VPS13D: variants seen among roughly 807,000 people sequenced by gnomAD.
VPS13D encodes the protein vacuolar protein sorting 13 homolog D, also known as intermembrane lipid transfer protein VPS13D.
Under a neutral mutation model 461.9 loss-of-function variants are expected in VPS13D, and 187 were observed. The observed-to-expected ratio is 0.40, with a 90% CI of 0.36 to 0.46. The LOEUF (loss-of-function observed/expected upper bound fraction) is 0.46. VPS13D is among the 20% of genes least tolerant of loss of function. The probability of loss-of-function intolerance (pLI) is 0.60; values close to 1 mark genes in which losing one functional copy is unlikely to be tolerated. For synonymous variants in VPS13D, 1,951 were observed against 1,986.3 expected (o/e 0.98, Z 0.47); for missense variants, 4,711 against 5,364.9 (o/e 0.88, Z 3.81).
At chr1:12,273,796 A>G (rs974082682) in intron 18 of VPS13D, among the ~76,000 whole-genome samples, 1 of 151,678 alleles carries the variant, frequency 6.6e-6, no homozygotes, top group African/African-American at 2.4e-5. Context: ...TTATCCTTTC[A>G]TTTGTTCATG....
intron 65 of VPS13D, chr1:12,453,984 T>C (rs1477712640): frequency 6.6e-6 from 1 of 152,218 alleles, no homozygotes; most frequent in African/African-American, 2.4e-5. Context: ...TAAACTATAG[T>C]GCAAATGACC....
At chr1:12,335,554 C>T in intron 38 of VPS13D, 151 bp from the exon 39 acceptor site, 1 of 883,750 alleles carries the variant, frequency 1.1e-6, no homozygotes, top group East Asian at 2.7e-5. Flanking sequence ...GAGCGTGAGG[C>T]TCTCCAGGGC....
intron 65 of VPS13D, among the ~76,000 whole-genome samples, chr1:12,436,744 C>T (rs1645066472): frequency 6.6e-6 from 1 of 152,160 alleles, no homozygotes; most frequent in Non-Finnish European, 1.5e-5. Flanking sequence ...TCTCGGCTCA[C>T]CGCAACCTCC....
chr1:12,349,478 T>A (rs895051909), intron 46 of VPS13D, 104 bp downstream of exon 46: 4 of 1,120,958 alleles, frequency 3.6e-6, no homozygotes, highest in Non-Finnish European at 5.1e-6. Flanking sequence ...TTCAGTTATC[T>A]TTATTTAAAC....
chr1:12,257,452 C>T (rs546135860), intron 9 of VPS13D, among the ~76,000 whole-genome samples: 184 of 152,286 alleles, frequency 1.2e-3, no homozygotes, highest in African/African-American at 4.0e-3. Context: ...TCAACATTTA[C>T]ATAGTACTCT....
intron 40 of VPS13D, among the ~76,000 whole-genome samples, chr1:12,340,089 G>A (rs1387146875): frequency 6.6e-6 from 1 of 152,072 alleles, no homozygotes; most frequent in Non-Finnish European, 1.5e-5. Flanking sequence ...AGTAAATACC[G>A]TTTACCCTGC....
chr1:12,302,172 G>A (rs1642440836), intron 25 of VPS13D, among the ~76,000 whole-genome samples: 1 of 152,170 alleles, frequency 6.6e-6, no homozygotes, highest in African/African-American at 2.4e-5. Context: ...TAAAAATGCT[G>A]CATTATAATC....
rs1641595298 is a variant in VPS13D at position 12,275,867 on chromosome 1, A to C, written c.2279A>C (p.Glu760Ala). ...AGTAGGGATGGGTCAGCATCTGAAG[A>C]GACCCAGTTTAGTGATGATGAATAT... ...RKSRDGSASEETQFSDDEYKT... is the reference protein window; with the variant it reads ...RKSRDGSASEATQFSDDEYKT... Residue 760 changes from glutamate (E) to alanine (A), a missense_variant, in exon 19 of 70, where the codon GAG (glutamate) becomes GCG (alanine). This residue lies in a region of VPS13D where 4,411 missense variants were observed against 4,937.8 expected (regional missense o/e 0.89). Transcript: ENST00000620676. 2.5e-6 allele frequency: 4 copies of C among 1,612,216 alleles called. No homozygotes were observed. Among genetic ancestry groups the C allele is most frequent in the Non-Finnish European group, 2.5e-6 (3 of 1,179,326 alleles).
intron 67 of VPS13D, among the ~76,000 whole-genome samples, chr1:12,482,394 A>G (rs945129825): frequency 2.0e-5 from 3 of 152,240 alleles, no homozygotes; most frequent in African/African-American, 7.2e-5. Context: ...TGCACTCTTC[A>G]TGCTTTGATT....
At chr1:12,390,497 G>A (rs1644410750) in intron 60 of VPS13D, among the ~76,000 whole-genome samples, 1 of 152,208 alleles carries the variant, frequency 6.6e-6, no homozygotes, top group Admixed American at 6.5e-5. Context: ...GCAATGCTGT[G>A]TGGAATACCA....
chr1:12,462,381 A>G (rs189711990), intron 67 of VPS13D, among the ~76,000 whole-genome samples: 137 of 152,354 alleles, frequency 9.0e-4, no homozygotes, highest in African/African-American at 3.1e-3. Context: ...ATCACCTTCC[A>G]GGTAAAAGGG....
chr1:12,370,319 G>A (rs71647039), intron 54 of VPS13D, among the ~76,000 whole-genome samples: 25,715 of 152,198 alleles, frequency 0.17, 2,682 homozygotes, highest in Middle Eastern at 0.24. Context: ...TATAAATATA[G>A]CTTATTGTTT....
At chr1:12,441,615 C>T (rs146343964) in intron 65 of VPS13D, among the ~76,000 whole-genome samples, 52 of 152,318 alleles carry the variant, frequency 3.4e-4, no homozygotes, top group African/African-American at 1.2e-3. Context: ...AGGGTTCCTG[C>T]TGGTGGCAGG....
intron 49 of VPS13D, among the ~76,000 whole-genome samples, chr1:12,357,062 CAT>C (rs1569992097): frequency 6.6e-6 from 1 of 152,224 alleles, no homozygotes; most frequent in African/African-American, 2.4e-5. Context: ...GATTAGATGA[CAT>C]GTGCTTTTAA....
intron 54 of VPS13D, among the ~76,000 whole-genome samples, chr1:12,371,493 C>T (rs1451842784): frequency 6.6e-6 from 1 of 151,140 alleles, no homozygotes; most frequent in South Asian, 2.1e-4. Context: ...CGGGTTCAAG[C>T]GATTCTCCTG....
At position 12,276,815 on chromosome 1, in the gene VPS13D, A is replaced by C; in HGVS notation, c.3227A>C (p.Gln1076Pro). 6.2e-7 allele frequency: 1 copy of C among 1,614,216 alleles called. No homozygotes were observed. Among genetic ancestry groups the C allele is most frequent in the Non-Finnish European group, 8.5e-7 (1 of 1,180,036 alleles). ...VSLDKILTKE[Q>P]ESLIKLEYQF... ...CTTGACAAAATTCTTACCAAAGAGC[A>C]AGAGTCCCTTATTAAGTTGGAATAT... The change falls in exon 19 of 70, where the codon CAA becomes CCA. Residue 1076 changes from glutamine to proline, a missense_variant. Gln to Pro is a moderately conservative substitution (Grantham distance 76). Transcript: ENST00000620676. This position sits in a 1 kb window ranked among gnomAD's most constrained non-coding sequence, Gnocchi z 4.5.
chr1:12,483,514 G>T (rs2100496192), intron 67 of VPS13D, among the ~76,000 whole-genome samples: 1 of 151,368 alleles, frequency 6.6e-6, no homozygotes, highest in East Asian at 1.9e-4. Flanking sequence ...ATCTAGTGTT[G>T]GTCTAACCCT....
Position 12,416,709 on chromosome 1 carries a change from G to A in VPS13D, c.12215G>A (p.Gly4072Asp). ...ARILGSVDFL[G>D]NPMGLLNDVS... ...ATCCTGGGATCAGTGGATTTTCTTG[G>A]CAATCCTATGGGGCTTTTGAATGAT... Residue 4072 changes from glycine to aspartate, a missense_variant, in exon 65 of 70, where the codon GGC becomes GAC. Physicochemically the swap from Gly to Asp is moderately conservative, Grantham distance 94. Around this residue, in one of 3 missense-constraint regions of VPS13D, gnomAD observed 106 missense variants for 206.2 expected, o/e 0.51. Transcript: ENST00000620676. 7 of 1,614,032 alleles carry A rather than the reference G, an allele frequency of 4.3e-6. No homozygotes were observed. The highest frequency in any genetic ancestry group is 5.9e-6 in the Non-Finnish European group (7 of 1,179,976).
At chr1:12,434,180 T>A (rs1472329577) in intron 65 of VPS13D, among the ~76,000 whole-genome samples, 1 of 152,182 alleles carries the variant, frequency 6.6e-6, no homozygotes, top group Non-Finnish European at 1.5e-5. Flanking sequence ...GTGAAAGACA[T>A]CTTTTGCCGC....
Sources: allele counts gnomAD v4.1 joint callset (sites outside exome capture counted in the v4.1 genomes callset), GRCh38; gene constraint gnomAD v4.1.1; regional missense constraint gnomAD v4.1.1; non-coding constraint Gnocchi (gnomAD v3.1); transcripts MANE v1.5; gene names NCBI Gene and HGNC (gene_info 2026-07-23, HGNC 2026-07-21).